The following CD83 variants were observed in gnomAD, a reference collection of about 807,000 sequenced individuals.
CD83 encodes the protein CD83 antigen.
Under a neutral mutation model 24.6 loss-of-function variants are expected in CD83, and 22 were observed. That is an observed-to-expected ratio of 0.90 (90% confidence interval 0.64 to 1.28). CD83 has a LOEUF of 1.28. Ranked by LOEUF, CD83 falls within the 50% of genes most tolerant of loss-of-function variation. The pLI, the probability that CD83 is intolerant of heterozygous loss-of-function variation, is 0.00. For synonymous variants in CD83, 101 were observed against 103.5 expected (o/e 0.98, Z 0.14); for missense variants, 253 against 252.8 (o/e 1.00, Z -0.01).
chr6:14,125,252 T>C (rs1330523979), intron 2 of CD83, among the ~76,000 whole-genome samples: 4 of 152,186 alleles, frequency 2.6e-5, no homozygotes, highest in South Asian at 2.1e-4. Flanking sequence ...GGCTTAGAGG[T>C]TCATGAATGT....
chr6:14,127,585 A>G (rs1205617466), intron 2 of CD83, among the ~76,000 whole-genome samples: 1 of 151,368 alleles, frequency 6.6e-6, no homozygotes, highest in Admixed American at 6.6e-5. Context: ...ACGTGCCCAT[A>G]CAATTAGTAC....
At chr6:14,134,350 G>T (rs1757992847) in intron 4 of CD83, among the ~76,000 whole-genome samples, 1 of 152,230 alleles carries the variant, frequency 6.6e-6, no homozygotes, top group African/African-American at 2.4e-5. Context: ...TGAGCTGTTG[G>T]TTGCAGGTTC....
At chr6:14,121,641 A>T (rs866379814) in intron 2 of CD83, among the ~76,000 whole-genome samples, 76 of 128,314 alleles carry the variant, frequency 5.9e-4, no homozygotes, top group African/African-American at 1.3e-3. Context: ...AAAAAAAAAA[A>T]GTTGTAATAG....
chr6:14,124,823 G>A (rs1230996836), intron 2 of CD83, among the ~76,000 whole-genome samples: 1 of 152,192 alleles, frequency 6.6e-6, no homozygotes, highest in Non-Finnish European at 1.5e-5. Context: ...CAAAAGATCA[G>A]AAGTTCTAAT....
intron 2 of CD83, among the ~76,000 whole-genome samples, chr6:14,130,431 T>TCA (rs1385755752): frequency 1.3e-5 from 2 of 152,204 alleles, no homozygotes; most frequent in East Asian, 3.8e-4. Flanking sequence ...CACAAAGAAT[T>TCA]CACAGAAAGC....
At chr6:14,119,301 A>G (rs981445303) in intron 2 of CD83, among the ~76,000 whole-genome samples, 2 of 152,150 alleles carry the variant, frequency 1.3e-5, no homozygotes, top group Admixed American at 1.3e-4. Context: ...AAATATTCCT[A>G]CTTCATTGGT....
At position 14,129,370 on chromosome 6, in the gene CD83, A is replaced by G. The variant is rs1759894880; in HGVS notation, c.154-2150A>G. 6.6e-6 allele frequency among the ~76,000 whole-genome samples: 1 copy of G among 152,196 alleles called. No individual in the cohort carries two copies. ...CAGGCAGCGGAAGGGAGAGGCAAGC[A>G]GTGTGAGCCCATGACGAGGCTTCAG... On this transcript the variant is annotated intron_variant, in intron 2 of 4. Coordinates refer to ENST00000379153, the MANE Select transcript of CD83 (RefSeq NM_004233.4). The surrounding 1 kb of genome is among the most constrained non-coding windows in gnomAD (Gnocchi z 4.3).
chr6:14,127,550 TA>T (rs879732858), intron 2 of CD83, among the ~76,000 whole-genome samples: 64 of 145,230 alleles, frequency 4.4e-4, no homozygotes, highest in African/African-American at 8.0e-4. Flanking sequence ...AGTTCATCAT[TA>T]AAAAAAAAAA....
chr6:14,117,827 C>T lies in CD83; in HGVS notation c.16C>T (p.Gln6Ter). 1 of 1,570,626 alleles carries T rather than the reference C, an allele frequency of 6.4e-7. No homozygotes were observed. Among genetic ancestry groups the T allele is most frequent in the Non-Finnish European group, 8.6e-7 (1 of 1,165,772 alleles). ...CGCTCCAGCCATGTCGCGCGGCCTC[C>T]AGCTTCTGCTCCTGAGCTGCGGTAG... The part of the protein sequence containing the change: MSRGL[Q>*]LLLLSCAYSL... Residue 6 changes from glutamine (Q) to a stop codon, truncating the protein, a stop_gained, in exon 1 of 5, where the codon CAG (glutamine) becomes TAG (stop). Coordinates refer to ENST00000379153, the MANE Select transcript of CD83 (RefSeq NM_004233.4). LOFTEE classifies it high-confidence loss of function. The surrounding 1 kb of genome is among the most constrained non-coding windows in gnomAD (Gnocchi z 4.6).
At chr6:14,125,448 TA>T (rs1235422729) in intron 2 of CD83, among the ~76,000 whole-genome samples, 1 of 152,218 alleles carries the variant, frequency 6.6e-6, no homozygotes, top group Non-Finnish European at 1.5e-5. Flanking sequence ...GCTCAACCTG[TA>T]TATCCTTCCA....
In CD83 at chr6:14,118,888, T is replaced by G. The variant is rs1759606672; in HGVS notation, c.153+823T>G. 2.6e-5 allele frequency among the ~76,000 whole-genome samples: 4 copies of G among 152,246 alleles called. No homozygotes were observed. In the South Asian group the frequency reaches 8.3e-4, roughly 31 times the overall value. ...CCACTGCTACCACAGCACCTCCATT[T>G]TAACCCAAATGAATATGATATTACA... On this transcript the variant is annotated intron_variant, in intron 2 of 4. Transcript: ENST00000379153.
At chr6:14,131,272 A>C (rs901029475) in intron 2 of CD83, among the ~76,000 whole-genome samples, 3 of 152,144 alleles carry the variant, frequency 2.0e-5, no homozygotes, top group Non-Finnish European at 4.4e-5. Context: ...CTCTCTCCCT[A>C]ATATAGGGTG....
chr6:14,126,552 A>G (rs1759819286), intron 2 of CD83, among the ~76,000 whole-genome samples: 1 of 152,216 alleles, frequency 6.6e-6, no homozygotes, highest in South Asian at 2.1e-4. Context: ...TGCTATACTC[A>G]TAACTCTGTT....
chr6:14,118,619 C>T (rs1193520556), intron 2 of CD83, among the ~76,000 whole-genome samples: 1 of 152,204 alleles, frequency 6.6e-6, no homozygotes, highest in Non-Finnish European at 1.5e-5. Context: ...CCTTGGCTTC[C>T]TCCCCTAGCC....
At chr6:14,128,426 A>G (rs768194330) in intron 2 of CD83, among the ~76,000 whole-genome samples, 8 of 152,138 alleles carry the variant, frequency 5.3e-5, no homozygotes, top group Admixed American at 2.0e-4. Flanking sequence ...GTCACAAGAG[A>G]AAGTTTAGCT....
At chr6:14,123,969 C>T (rs947153580) in intron 2 of CD83, among the ~76,000 whole-genome samples, 1 of 152,150 alleles carries the variant, frequency 6.6e-6, no homozygotes, top group African/African-American at 2.4e-5. Flanking sequence ...AAAGTTTCCT[C>T]CCTCTAAAGA....
chr6:14,117,936 T>C lies in CD83; in HGVS notation c.38-14T>C, dbSNP rs1759573706. 1.2e-6 allele frequency: 2 copies of C among 1,603,250 alleles called. No homozygotes were observed. Among genetic ancestry groups the C allele is most frequent in the Non-Finnish European group, 1.7e-6 (2 of 1,177,340 alleles). Reference sequence around the variant, plus strand: ...TCGGTCGCTTGCTCACGACGCGCTCTCTCTTTCTTGTAGCCTACAGCCTGG... The same window carrying C: ...TCGGTCGCTTGCTCACGACGCGCTCCCTCTTTCTTGTAGCCTACAGCCTGG... On this transcript the variant is annotated splice_polypyrimidine_tract_variant and intron_variant, in intron 1 of 4. Coordinates refer to ENST00000379153, the MANE Select transcript of CD83 (RefSeq NM_004233.4). The surrounding 1 kb of genome is among the most constrained non-coding windows in gnomAD (Gnocchi z 4.6).
intron 2 of CD83, among the ~76,000 whole-genome samples, chr6:14,123,766 A>G (rs1231980117): frequency 6.6e-6 from 1 of 151,688 alleles, no homozygotes; most frequent in Non-Finnish European, 1.5e-5. Context: ...AAAAAAAAAA[A>G]AAAGCTAAAC....
chr6:14,120,301 A>G (rs116491965), intron 2 of CD83, among the ~76,000 whole-genome samples: 68 of 152,294 alleles, frequency 4.5e-4, no homozygotes, highest in African/African-American at 1.5e-3. Flanking sequence ...CAGCCCAATA[A>G]TTATACTTTT....
Sources: allele counts gnomAD v4.1 joint callset (sites outside exome capture counted in the v4.1 genomes callset), GRCh38; gene constraint gnomAD v4.1.1; non-coding constraint Gnocchi (gnomAD v3.1); transcripts MANE v1.5; gene names NCBI Gene and HGNC (gene_info 2026-07-23, HGNC 2026-07-21).